The following DPYSL4 variants were observed in gnomAD, a reference collection of about 807,000 sequenced individuals.
DPYSL4 encodes the protein dihydropyrimidinase-related protein 4.
A neutral mutation model predicts 63.4 loss-of-function variants in DPYSL4; 43 were observed. That is an observed-to-expected ratio of 0.68 (90% CI 0.53 to 0.88). DPYSL4 has a LOEUF of 0.88. Ranked by LOEUF, DPYSL4 falls within the 40% of genes least tolerant of loss-of-function variation. DPYSL4 has a pLI of 0.00. For missense variants in DPYSL4, 733 were observed against 819.5 expected (o/e 0.89, Z 1.29); for synonymous variants, 353 against 331.7 (o/e 1.06, Z -0.70).
chr10:132,192,706 C>T lies in DPYSL4; in HGVS notation c.177C>T (p.Asp59=), dbSNP rs142922640. 7.3e-5 allele frequency: 117 copies of T among 1,612,986 alleles called. No individual in the cohort carries two copies. The Admixed American group carries it at 7.5e-4, about 10-fold the overall frequency. The change falls in exon 3 of 14, where the codon GAC becomes GAT. Residue 59 remains aspartate, a synonymous_variant. Coordinates refer to ENST00000338492, the MANE Select transcript of DPYSL4 (RefSeq NM_006426.3). Reference sequence around the variant, plus strand: ...TCCCTGGGGGCATCAAGACCATTGACGCCCACGGCCTGATGGTCCTTCCTG... The same window carrying T: ...TCCCTGGGGGCATCAAGACCATTGATGCCCACGGCCTGATGGTCCTTCCTG... ...LIVPGGIKTI[D]AHGLMVLPGG... is the part of the protein sequence containing the mutation.
Position 132,197,086 on chromosome 10 carries a change from G to A in DPYSL4, c.606G>A (p.Gly202=), listed in dbSNP as rs765584469. Reference sequence around the variant, plus strand: ...TGGCCCAGGTGCACGCTGAGAACGGGGACATCGTGGAGGAGGTGCCGTGGG... The same window carrying A: ...TGGCCCAGGTGCACGCTGAGAACGGAGACATCGTGGAGGAGGTGCCGTGGG... ...GALAQVHAEN[G]DIVEEEQKRL... Residue 202 remains glycine (G), a synonymous_variant, in exon 6 of 14, where the codon GGG becomes GGA. Transcript: ENST00000338492. The A allele has an allele frequency of 2.0e-6, 3 of 1,527,680 alleles. No individual in the cohort carries two copies. The highest frequency in any genetic ancestry group is 2.5e-5 in the South Asian group (2 of 79,684). The allele number at this position is 1,527,680 out of a possible 1,614,324, so 94.6% of individuals were successfully genotyped here.
rs2062034973 is a variant in DPYSL4 at position 132,202,666 on chromosome 10, CG to C, written c.1303del (p.Glu435ArgfsTer13). The stretch of plus-strand genomic sequence containing the variant: ...CCCAGAACGTGGAGTACAACATCTT[CG>C]AGGGAGTGGAGTGCCGGGGAGCGCC... Reference protein sequence around the residue: ...HNLNVEYNIFEGVECRGAPAV... With the variant: ...HNLNVEYNIFXGVECRGAPAV... On this transcript the variant is annotated frameshift_variant, in exon 12 of 14. Coordinates refer to ENST00000338492, the MANE Select transcript of DPYSL4 (RefSeq NM_006426.3). LOFTEE classifies it high-confidence loss of function. 1 of 1,612,854 alleles carries C rather than the reference CG, an allele frequency of 6.2e-7. No individual in the cohort carries two copies.
intron 3 of DPYSL4, 65 bp from the exon 4 acceptor site, chr10:132,194,780 T>A: frequency 6.4e-7 from 1 of 1,570,880 alleles, no homozygotes; most frequent in Admixed American, 1.7e-5. Context: ...GAATCTCCCA[T>A]GGAGGAGGCA....
intron 3 of DPYSL4, among the ~76,000 whole-genome samples, chr10:132,194,542 G>A (rs557238251): frequency 6.6e-6 from 1 of 152,242 alleles, no homozygotes; most frequent in Non-Finnish European, 1.5e-5. Context: ...CCGACCTCCT[G>A]TGCTCCTCCA....
At chr10:132,201,916 C>A in intron 10 of DPYSL4, 30 bp from the exon 11 acceptor site, 2 of 1,595,002 alleles carry the variant, frequency 1.3e-6, no homozygotes, top group South Asian at 2.3e-5. Flanking sequence ...CCCCACCCGT[C>A]GCCCTCAGCT....
At chr10:132,203,605 A>C in intron 12 of DPYSL4, 157 bp from the exon 13 acceptor site, 1 of 656,236 alleles carries the variant, frequency 1.5e-6, no homozygotes. Flanking sequence ...GCACCCCCCC[A>C]GGGCAGCCCC....
chr10:132,199,316 TG>T (rs927316926), intron 8 of DPYSL4, among the ~76,000 whole-genome samples: 40 of 152,172 alleles, frequency 2.6e-4, no homozygotes, highest in Admixed American at 2.5e-3. Flanking sequence ...CTCCCTACAT[TG>T]CTATTTGCTG....
At chr10:132,195,681 C>T (rs1490705184) in intron 4 of DPYSL4, among the ~76,000 whole-genome samples, 1 of 152,154 alleles carries the variant, frequency 6.6e-6, no homozygotes, top group Non-Finnish European at 1.5e-5. Flanking sequence ...TCCCATTCCT[C>T]AGAGGGTGAC....
intron 7 of DPYSL4, 130 bp downstream of exon 7, chr10:132,198,613 C>T (rs2061973968): frequency 8.4e-6 from 9 of 1,070,846 alleles, no homozygotes; most frequent in Admixed American, 2.5e-5. Context: ...ATCTGGGAGG[C>T]GTGAATCCTC....
chr10:132,188,612 C>G (rs2061834735), intron 1 of DPYSL4, among the ~76,000 whole-genome samples: 1 of 152,210 alleles, frequency 6.6e-6, no homozygotes, highest in Non-Finnish European at 1.5e-5. Context: ...GCTCTGTAGA[C>G]CAAGGGTCTA....
chr10:132,200,776 C>G lies in DPYSL4; in HGVS notation c.969-66C>G, dbSNP rs568474043. The G allele has an allele frequency of 6.4e-4, 1,002 of 1,571,656 alleles. 13 individuals carry two copies. In the South Asian group the frequency reaches 0.012, roughly 18 times the overall value. On this transcript the variant is annotated intron_variant, in intron 9 of 13. Coordinates refer to ENST00000338492, the MANE Select transcript of DPYSL4 (RefSeq NM_006426.3). ...CCTGCGGCTGTGCTGGCCAAGGGGG[C>G]TGGAGCTGACCTGGCCTCTGCCGGC...
In DPYSL4 at chr10:132,194,991, G is replaced by A. The variant is rs1287410714; in HGVS notation, c.460G>A (p.Ala154Thr). The stretch of plus-strand genomic sequence containing the variant: ...TGAGAGCATCAAGGAGGAGCTGGAG[G>A]CCCTGGTCAAGGAGAAGGGTGAGGG... ...WHESIKEELEALVKEKGVNSF... is the reference protein window; with the variant it reads ...WHESIKEELETLVKEKGVNSF... The change falls in exon 4 of 14, where the codon GCC (alanine) becomes ACC (threonine). Residue 154 changes from alanine to threonine, a missense_variant. Ala to Thr is a moderately conservative substitution (Grantham distance 58). Transcript: ENST00000338492. 2 of 1,606,020 alleles carry A rather than the reference G, an allele frequency of 1.2e-6. No individual in the cohort carries two copies. Among genetic ancestry groups the A allele is most frequent in the East Asian group, 2.2e-5 (1 of 44,852 alleles).
intron 3 of DPYSL4, among the ~76,000 whole-genome samples, chr10:132,194,486 G>C (rs760265056): frequency 1.3e-5 from 2 of 152,214 alleles, no homozygotes; most frequent in African/African-American, 4.8e-5. Flanking sequence ...CCTGGCCCTC[G>C]GGGTGCCTCA....
At chr10:132,201,020 A>G (rs1044926426) in intron 10 of DPYSL4, 37 bp downstream of exon 10, 1 of 1,606,060 alleles carries the variant, frequency 6.2e-7, no homozygotes, top group South Asian at 1.1e-5. Flanking sequence ...CCGTCTGGGG[A>G]GCGGCTGTGG....
chr10:132,197,423 G>A (rs1565042716), intron 6 of DPYSL4, among the ~76,000 whole-genome samples: 1 of 152,238 alleles, frequency 6.6e-6, no homozygotes, highest in Non-Finnish European at 1.5e-5. Context: ...GTACCCGCTG[G>A]GGGTTGGGTT....
chr10:132,201,831 G>GAT, intron 10 of DPYSL4, 115 bp from the exon 11 acceptor site: 5 of 1,156,108 alleles, frequency 4.3e-6, no homozygotes, highest in Non-Finnish European at 6.1e-6. Context: ...TCCTCACGGG[G>GAT]GCCTGGTGAC....
Position 132,205,212 on chromosome 10 carries a change from G to A in DPYSL4, c.*282G>A. ...GCAGCCTGAGCCCAGGCACCCCAGT[G>A]CCCGCTGGGCCCAGCCTGGGGACAG... On this transcript the variant is annotated 3_prime_UTR_variant, in exon 14 of 14. Transcript: ENST00000338492. The A allele has an allele frequency of 7.1e-6, 2 of 283,474 alleles. No homozygotes were observed. Among genetic ancestry groups the A allele is most frequent in the Non-Finnish European group, 1.3e-5 (2 of 152,162 alleles). The allele number at this position is 283,474 out of a possible 1,614,324, so 17.6% of individuals were successfully genotyped here. A position where few individuals can be genotyped will look rare whatever the true frequency, so the allele number is the denominator to read the frequency against.
rs776731513 is a variant in DPYSL4, at chr10:132,196,914, G to C, written c.532G>C (p.Asp178His). 3.1e-6 allele frequency: 5 copies of C among 1,611,284 alleles called. No homozygotes were observed. The Admixed American group carries it at 8.4e-5, about 27-fold the overall frequency. ...ATACAAGGACCGGTGCCAGTGCAGCGACAGCCAGGTAAGGGCAGGCGTGGG... is the reference window on the plus strand; with the variant it reads ...ATACAAGGACCGGTGCCAGTGCAGCCACAGCCAGGTAAGGGCAGGCGTGGG... ...MAYKDRCQCS[D>H]SQMYEIFSII... The change falls in exon 5 of 14, where the codon GAC becomes CAC. Residue 178 changes from aspartate to histidine, a missense_variant. Transcript: ENST00000338492.
chr10:132,193,295 G>A (rs1476261629), intron 3 of DPYSL4, among the ~76,000 whole-genome samples: 1 of 152,224 alleles, frequency 6.6e-6, no homozygotes, highest in Non-Finnish European at 1.5e-5. Context: ...TTTAGAAAAA[G>A]ATAAAAGCAA....
Sources: gnomAD v4.1 joint callset for allele counts (sites outside exome capture counted in the v4.1 genomes callset) on GRCh38, gnomAD v4.1.1 for gene constraint, MANE v1.5 for transcripts, NCBI Gene and HGNC (gene_info 2026-07-23, HGNC 2026-07-21) for gene names.